The following NRG1 variants were observed in gnomAD, a reference collection of about 807,000 sequenced individuals.
The protein encoded by NRG1 is pro-neuregulin-1, membrane-bound isoform.
NRG1 carries 18 observed loss-of-function variants against 63.8 expected under a neutral mutation model. The observed-to-expected ratio is 0.28, with a 90% CI of 0.19 to 0.42. The LOEUF is 0.42. NRG1 is among the 10% of genes least tolerant of loss of function. The pLI, the probability that NRG1 is intolerant of heterozygous loss-of-function variation, is 1.00. For missense variants in NRG1, 762 were observed against 814.7 expected, an observed-to-expected ratio of 0.94 and a Z score of 0.79; for synonymous variants, 302 against 301.3, an observed-to-expected ratio of 1.00 and a Z score of -0.02.
chr8:32,310,522 A>T (rs918819258), intron 1 of NRG1, among the ~76,000 whole-genome samples: 5 of 152,210 alleles, frequency 3.3e-5, no homozygotes, highest in African/African-American at 1.2e-4. Flanking sequence ...GAGGCCAAAT[A>T]AATAAATAAG....
At chr8:31,744,718 C>T (rs1815675056) in intron 1 of NRG1, among the ~76,000 whole-genome samples, 1 of 151,960 alleles carries the variant, frequency 6.6e-6, no homozygotes, top group East Asian at 1.9e-4. Context: ...CTGAAACACA[C>T]ACAGGAAGCT....
chr8:31,932,355 T>C (rs1018766665), intron 1 of NRG1, among the ~76,000 whole-genome samples: 1 of 152,196 alleles, frequency 6.6e-6, no homozygotes, highest in Non-Finnish European at 1.5e-5. Context: ...ATGTATCTTA[T>C]AGAATCAGCT....
chr8:32,217,070 G>T (rs568017646), intron 1 of NRG1, among the ~76,000 whole-genome samples: 1 of 151,782 alleles, frequency 6.6e-6, no homozygotes, highest in East Asian at 1.9e-4. Context: ...AAAATTAGCC[G>T]GGCGTGGTGG....
At chr8:32,746,032 T>C (rs1042934088) in intron 7 of NRG1, among the ~76,000 whole-genome samples, 8 of 152,116 alleles carry the variant, frequency 5.3e-5, no homozygotes, top group African/African-American at 9.7e-5. Flanking sequence ...TCATCAAACA[T>C]GTATCTTGCT....
intron 1 of NRG1, among the ~76,000 whole-genome samples, chr8:32,361,085 G>A (rs754874803): frequency 1.2e-4 from 18 of 152,054 alleles, no homozygotes; most frequent in African/African-American, 1.9e-4. Flanking sequence ...TGTGATGGCC[G>A]GCAAGCTGAG....
At chr8:31,791,323 C>A (rs923252060) in intron 1 of NRG1, among the ~76,000 whole-genome samples, 3 of 151,860 alleles carry the variant, frequency 2.0e-5, no homozygotes, top group African/African-American at 7.3e-5. Context: ...TTTGTAAGGA[C>A]GTAGTACCTA....
At chr8:32,536,922 CA>C (rs35265022) in intron 1 of NRG1, among the ~76,000 whole-genome samples, 8,014 of 34,760 alleles carry the variant, frequency 0.23, 139 homozygotes, top group Middle Eastern at 0.35. Flanking sequence ...GACTCCGTCT[CA>C]AAAAAAAAAA....
At chr8:32,435,324 C>T (rs1370461098) in intron 1 of NRG1, among the ~76,000 whole-genome samples, 5 of 151,972 alleles carry the variant, frequency 3.3e-5, no homozygotes, top group African/African-American at 1.2e-4. Context: ...TTCCCAATAA[C>T]GAGGGAGATT....
In NRG1 at chr8:32,760,653, G is replaced by A. The variant is rs528363746; in HGVS notation, c.1259+247G>A. The A allele has an allele frequency of 2.9e-5, 38 of 1,300,560 alleles. No homozygotes were observed. The South Asian group carries it at 5.3e-4, about 18-fold the overall frequency. 80.6% of individuals were successfully genotyped at this position (1,300,560 alleles called of 1,614,324 possible). A position where few individuals can be genotyped will look rare whatever the true frequency, so the allele number is the denominator to read the frequency against. On this transcript the variant is annotated intron_variant, in intron 11 of 11. Coordinates refer to ENST00000356819, the Ensembl canonical transcript of NRG1. ...TTAAAGAGCTGGGATGCTTTGATGC[G>A]GAAGGTGCAGCACATGGAGTTTCCA...
intron 1 of NRG1, among the ~76,000 whole-genome samples, chr8:32,464,535 T>G (rs1822812392): frequency 6.6e-6 from 1 of 152,164 alleles, no homozygotes; most frequent in Admixed American, 6.5e-5. Context: ...TAGTTCATAC[T>G]GCAAAAAGAA....
chr8:32,578,747 T>G (rs1434897814), intron 1 of NRG1, among the ~76,000 whole-genome samples: 1 of 152,114 alleles, frequency 6.6e-6, no homozygotes, highest in Non-Finnish European at 1.5e-5. Flanking sequence ...TGCAGACTTT[T>G]GGACCTGATC....
chr8:32,483,098 G>A (rs986262866), intron 1 of NRG1, among the ~76,000 whole-genome samples: 11 of 152,194 alleles, frequency 7.2e-5, no homozygotes, highest in African/African-American at 2.7e-4. Flanking sequence ...TGATCCAAGG[G>A]AACCCATAAC....
intron 1 of NRG1, among the ~76,000 whole-genome samples, chr8:31,743,330 C>T (rs1160144051): frequency 6.6e-6 from 1 of 151,952 alleles, no homozygotes; most frequent in Non-Finnish European, 1.5e-5. Flanking sequence ...TGCATAGCCC[C>T]ATGCCTATTG....
intron 1 of NRG1, among the ~76,000 whole-genome samples, chr8:32,082,564 G>A (rs776000489): frequency 3.0e-4 from 45 of 152,118 alleles, no homozygotes; most frequent in Admixed American, 2.9e-3. Flanking sequence ...CCTTGAGCAT[G>A]CCTCTAGAAC....
intron 1 of NRG1, among the ~76,000 whole-genome samples, chr8:32,428,364 C>G (rs1817682784): frequency 1.4e-5 from 2 of 147,464 alleles, no homozygotes; most frequent in Admixed American, 1.3e-4. Flanking sequence ...TTCTTCCTTA[C>G]AGATCCTCTT....
chr8:31,703,681 T>A (rs1221013833), intron 1 of NRG1, among the ~76,000 whole-genome samples: 1 of 152,038 alleles, frequency 6.6e-6, no homozygotes, highest in African/African-American at 2.4e-5. Flanking sequence ...CCCAGGGGAG[T>A]ACAAGAAACT....
intron 5 of NRG1, among the ~76,000 whole-genome samples, chr8:32,631,170 A>ATTT (rs1439953043): frequency 3.6e-5 from 5 of 139,256 alleles, no homozygotes; most frequent in Middle Eastern, 3.6e-3. Context: ...ACTTTTTTTA[A>ATTT]AAAAAAGAAT....
In NRG1 at chr8:31,918,378, C is replaced by T. The variant is rs568416995; in HGVS notation, c.37+278947C>T. 4.5e-3 allele frequency among the ~76,000 whole-genome samples: 679 copies of T among 152,220 alleles called. 6 individuals carry two copies. The highest frequency in any genetic ancestry group is 0.016 in the African/African-American group (644 of 41,514). The stretch of plus-strand genomic sequence containing the variant: ...CTTATTATTTTGAAATATGTCCCAT[C>T]GATACCTAATTTGTTGAGAGTTTTT... On this transcript the variant is annotated intron_variant, in intron 1 of 10. Transcript: ENST00000519301.
At chr8:31,691,978 G>A (rs187669576) in intron 1 of NRG1, among the ~76,000 whole-genome samples, 29 of 152,190 alleles carry the variant, frequency 1.9e-4, no homozygotes, top group Non-Finnish European at 4.0e-4. Flanking sequence ...GACTACAGGG[G>A]CACACTACCA....
Sources: allele counts gnomAD v4.1 joint callset (sites outside exome capture counted in the v4.1 genomes callset), GRCh38; gene constraint gnomAD v4.1.1; transcripts MANE v1.5; gene names NCBI Gene and HGNC (gene_info 2026-07-23, HGNC 2026-07-21).